MKLN1: variants seen among roughly 807,000 people sequenced by gnomAD.
MKLN1 encodes the protein muskelin 1, also known as muskelin.
MKLN1 carries 18 observed loss-of-function variants against 99.0 expected under a neutral mutation model. The ratio of observed to expected loss-of-function variants is 0.18; its 90% CI spans 0.13 to 0.27. The LOEUF (loss-of-function observed/expected upper bound fraction) is 0.27, where lower values mean the gene tolerates loss of function less well. MKLN1 is among the 10% of genes least tolerant of loss of function. MKLN1 has a pLI of 1.00. For missense variants in MKLN1, 621 were observed against 875.9 expected, an observed-to-expected ratio of 0.71 and a Z score of 3.67; for synonymous variants, 288 against 293.2, an observed-to-expected ratio of 0.98 and a Z score of 0.18.
rs541594076 is a variant in MKLN1, at chr7:131,218,122, G to A, written c.-179+15148G>A. Among the ~76,000 whole-genome samples the A allele has an allele frequency of 1.2e-4, 18 of 152,284 alleles. 1 individual carries two copies. The South Asian group carries it at 2.9e-3, about 25-fold the overall frequency. ...GTTTTCTTGCACTGAGTCAGTTCTC[G>A]GGTGCAGGTTATGGGTCTGAGTGGT... On this transcript the variant is annotated intron_variant, in intron 3 of 7. Transcript: ENST00000416992.
chr7:131,246,904 G>A (rs1438415882), intron 3 of MKLN1, among the ~76,000 whole-genome samples: 3 of 152,192 alleles, frequency 2.0e-5, no homozygotes, highest in African/African-American at 4.8e-5. Context: ...TGTACCTGTA[G>A]ATGGAGAGGG....
At chr7:131,384,326 C>T (rs1793943982) in intron 2 of MKLN1, among the ~76,000 whole-genome samples, 1 of 147,936 alleles carries the variant, frequency 6.8e-6, no homozygotes, top group Non-Finnish European at 1.5e-5. Flanking sequence ...GTGAGAGCAT[C>T]TTTGATTAGG....
intron 2 of MKLN1, among the ~76,000 whole-genome samples, chr7:131,148,957 T>C (rs924385752): frequency 2.6e-5 from 4 of 152,162 alleles, no homozygotes; most frequent in Admixed American, 2.6e-4. Context: ...TGATCGAAGA[T>C]ATTGTGTCTT....
At chr7:131,455,584 G>A (rs930703837) in intron 12 of MKLN1, among the ~76,000 whole-genome samples, 1 of 152,090 alleles carries the variant, frequency 6.6e-6, no homozygotes, top group Non-Finnish European at 1.5e-5. Flanking sequence ...TGATCTGCTT[G>A]ATTAATTTTT....
At chr7:131,475,394 T>G (rs995872386) in intron 16 of MKLN1, among the ~76,000 whole-genome samples, 1 of 152,268 alleles carries the variant, frequency 6.6e-6, no homozygotes, top group Non-Finnish European at 1.5e-5. Context: ...AGGCCCATAA[T>G]AGCAGTAAAT....
chr7:131,266,408 G>A (rs752420779), intron 3 of MKLN1, among the ~76,000 whole-genome samples: 3 of 152,086 alleles, frequency 2.0e-5, no homozygotes, highest in Non-Finnish European at 4.4e-5. Context: ...GATAATATGT[G>A]TAAGACACTC....
intron 3 of MKLN1, among the ~76,000 whole-genome samples, chr7:131,272,773 A>T (rs112143149): frequency 6.6e-6 from 1 of 152,198 alleles, no homozygotes; most frequent in East Asian, 1.9e-4. Context: ...TGATAAACCC[A>T]TCAGATCTTG....
At chr7:131,248,069 CATTT>C (rs1797520935) in intron 3 of MKLN1, among the ~76,000 whole-genome samples, 1 of 129,316 alleles carries the variant, frequency 7.7e-6, no homozygotes, top group African/African-American at 3.8e-5. Flanking sequence ...CAGCTAATTA[CATTT>C]ATTATTTATT....
At chr7:131,341,837 A>G (rs1784794360) in intron 1 of MKLN1, among the ~76,000 whole-genome samples, 1 of 152,244 alleles carries the variant, frequency 6.6e-6, no homozygotes, top group Non-Finnish European at 1.5e-5. Context: ...TCTAATGCCT[A>G]TGCTGATCTG....
chr7:131,380,693 T>C (rs1793816675), intron 2 of MKLN1, among the ~76,000 whole-genome samples: 2 of 152,204 alleles, frequency 1.3e-5, no homozygotes, highest in African/African-American at 4.8e-5. Flanking sequence ...AGGATACTCA[T>C]GCTGTATAAA....
intron 1 of MKLN1, among the ~76,000 whole-genome samples, chr7:131,332,437 TAG>T (rs1280631603): frequency 6.7e-6 from 1 of 148,318 alleles, no homozygotes; most frequent in Non-Finnish European, 1.5e-5. Context: ...AAGAAAAAAA[TAG>T]ACACTTTTTA....
rs575374335 is a variant in MKLN1 at position 131,496,093 on chromosome 7, T to C, written c.*8365T>C. On this transcript the variant is annotated 3_prime_UTR_variant, in exon 18 of 18. Transcript: ENST00000352689. ...AAAAAAATTGTATTTCTGTGCACAT[T>C]AGCTGAGATTCACACATTTTGCACC... The C allele has an allele frequency of 2.5e-4, 38 of 151,672 alleles. No individual in the cohort carries two copies. The highest frequency in any genetic ancestry group is 8.8e-4 in the African/African-American group (36 of 40,940). 9.4% of individuals were successfully genotyped at this position (151,672 alleles called of 1,614,324 possible).
intron 1 of MKLN1, among the ~76,000 whole-genome samples, chr7:131,349,032 C>T (rs540793243): frequency 2.5e-4 from 38 of 152,012 alleles, no homozygotes; most frequent in Admixed American, 2.2e-3. Flanking sequence ...AGACATGCAC[C>T]CTCCCCCACA....
chr7:131,339,543 A>T (rs1202320926), intron 1 of MKLN1, among the ~76,000 whole-genome samples: 1 of 152,122 alleles, frequency 6.6e-6, no homozygotes, highest in African/African-American at 2.4e-5. Flanking sequence ...TACTAAAAAT[A>T]CAAAAATTAG....
At chr7:131,462,860 A>C (rs935621599) in intron 12 of MKLN1, among the ~76,000 whole-genome samples, 1 of 152,200 alleles carries the variant, frequency 6.6e-6, no homozygotes, top group Non-Finnish European at 1.5e-5. Flanking sequence ...GTGGTGGCTC[A>C]CCTGTAACAC....
chr7:131,472,114 A>G (rs1796836507), intron 16 of MKLN1: 1 of 152,242 alleles, frequency 6.6e-6, no homozygotes, highest in Non-Finnish European at 1.5e-5. Flanking sequence ...CAAGTGGCAG[A>G]ATATGTTTGA....
chr7:131,487,404 T>G lies in MKLN1; in HGVS notation c.2087-203T>G, dbSNP rs1797311417. On this transcript the variant is annotated intron_variant, in intron 17 of 17. Transcript: ENST00000352689. The surrounding 1 kb of genome is among the most constrained non-coding windows in gnomAD (Gnocchi z 4.7). ...CATACTTACAGCTGAGGAAGCAAAG[T>G]CTGAAAGCCAGAAAGTCTGACTAAT... Among the ~76,000 whole-genome samples, 1 of 152,080 alleles carries G rather than the reference T, an allele frequency of 6.6e-6. No individual in the cohort carries two copies. The highest frequency in any genetic ancestry group is 2.4e-5 in the African/African-American group (1 of 41,400).
intron 9 of MKLN1, among the ~76,000 whole-genome samples, 191 bp from the exon 10 acceptor site, chr7:131,437,594 T>G (rs974584616): frequency 6.6e-6 from 1 of 152,204 alleles, no homozygotes; most frequent in African/African-American, 2.4e-5. Context: ...CTCCTACTGC[T>G]TACTGCTTTT....
rs779920621 is a variant in MKLN1, at chr7:131,491,518, A to G, written c.*3790A>G. On this transcript the variant is annotated 3_prime_UTR_variant, in exon 18 of 18. Coordinates refer to ENST00000352689, the MANE Select transcript of MKLN1 (RefSeq NM_013255.5). Reference sequence around the variant, plus strand: ...TTTGTGGTTCTAGACCCTGGCTTCTATCTCCCTGTGATTTGTTTTAATGCT... The same window carrying G: ...TTTGTGGTTCTAGACCCTGGCTTCTGTCTCCCTGTGATTTGTTTTAATGCT... 5 of 152,154 alleles carry G rather than the reference A, an allele frequency of 3.3e-5. No individual in the cohort carries two copies. The highest frequency in any genetic ancestry group is 7.2e-5 in the African/African-American group (3 of 41,440). 9.4% of individuals were successfully genotyped at this position (152,154 alleles called of 1,614,324 possible). A position where few individuals can be genotyped will look rare whatever the true frequency, so the allele number is the denominator to read the frequency against.
Sources: allele counts gnomAD v4.1 joint callset (sites outside exome capture counted in the v4.1 genomes callset), GRCh38; gene constraint gnomAD v4.1.1; non-coding constraint Gnocchi (gnomAD v3.1); transcripts MANE v1.5; gene names NCBI Gene and HGNC (gene_info 2026-07-23, HGNC 2026-07-21).